Variants in ADGRE2 observed in about 807,000 individuals in gnomAD.
The protein encoded by ADGRE2 is CD97 antigen.
In ADGRE2, 83 loss-of-function variants were observed where a neutral mutation model predicts 100.8. That is an observed-to-expected ratio of 0.82 (90% CI 0.69 to 0.99). ADGRE2 has a LOEUF of 0.99. Among genes scored for constraint, ADGRE2 ranks in the 50% least tolerant of loss-of-function variants. ADGRE2 has a pLI of 0.00. For synonymous variants in ADGRE2, 355 were observed against 413.0 expected, an observed-to-expected ratio of 0.86 and a Z score of 1.70; for missense variants, 814 against 1,035.7, an observed-to-expected ratio of 0.79 and a Z score of 2.94.
chr19:14,772,195 G>T, intron 5 of ADGRE2, 147 bp downstream of exon 5: 2 of 1,196,164 alleles, frequency 1.7e-6, no homozygotes, highest in Non-Finnish European at 2.4e-6. Context: ...CTGGGCTGGC[G>T]AAACAGGTAC....
intron 11 of ADGRE2, among the ~76,000 whole-genome samples, chr19:14,757,836 C>T (rs1466108064): frequency 1.3e-5 from 2 of 152,188 alleles, no homozygotes; most frequent in Non-Finnish European, 2.9e-5. Context: ...CAGAGTCTTG[C>T]TCTGTCATCC....
the ADGRE2 span, among the ~76,000 whole-genome samples, chr19:14,726,280 T>C: frequency 1.3e-5 from 2 of 152,142 alleles, no homozygotes; most frequent in Non-Finnish European, 2.9e-5. Context: ...CGCTAAATCA[T>C]TCTTTTCTCC....
In ADGRE2 at chr19:14,776,719, T is replaced by C; in HGVS notation, c.31+7A>G. Reference sequence around the variant, plus strand: ...TACCACCCCCAGCGGGGCCCCAAAGTACTTACCGAGAAAGACGAGAAAGAC... The same window carrying C: ...TACCACCCCCAGCGGGGCCCCAAAGCACTTACCGAGAAAGACGAGAAAGAC... On this transcript the variant is annotated splice_region_variant and intron_variant, in intron 2 of 20. Coordinates refer to ENST00000315576, the MANE Select transcript of ADGRE2 (RefSeq NM_013447.4). 6.2e-7 allele frequency: 1 copy of C among 1,612,494 alleles called. No individual in the cohort carries two copies. Among genetic ancestry groups the C allele is most frequent in the South Asian group, 1.1e-5 (1 of 90,776 alleles).
downstream of ADGRE2, among the ~76,000 whole-genome samples, chr19:14,728,270 A>G (rs983191434): frequency 6.6e-6 from 1 of 152,242 alleles, no homozygotes; most frequent in African/African-American, 2.4e-5. Context: ...GAGACTTGGT[A>G]AAGGCATGAG....
intron 15 of ADGRE2, 63 bp from the exon 16 acceptor site, chr19:14,751,734 C>T (rs989582084): frequency 1.7e-6 from 2 of 1,202,400 alleles, no homozygotes; most frequent in East Asian, 2.4e-5. Context: ...CATGGCTTCT[C>T]CTGTACCATG....
rs73513939 is a variant in ADGRE2 at position 14,735,857 on chromosome 19, C to T, written c.*379G>A. 2.9e-3 allele frequency: 506 copies of T among 172,974 alleles called. 2 individuals carry two copies. The highest frequency in any genetic ancestry group is 0.011 in the African/African-American group (466 of 42,342). The allele number at this position is 172,974 out of a possible 1,614,324, so 10.7% of individuals were successfully genotyped here. A position where few individuals can be genotyped will look rare whatever the true frequency, so the allele number is the denominator to read the frequency against. On this transcript the variant is annotated 3_prime_UTR_variant, in exon 21 of 21. Transcript: ENST00000315576. ...ACATTCTAGTCCTTTCAGATGTTGT[C>T]GGTATGAAAGTCCTCTTAGGCTCGT...
chr19:14,743,454 C>A lies in ADGRE2; in HGVS notation c.2429G>T (p.Ser810Ile), dbSNP rs1478658729. Reference protein sequence around the residue: ...KTESEMHTLSSSAKADTSKPS... With the variant: ...KTESEMHTLSISAKADTSKPS... ...TTTGGAGGTGTCAGCCTTAGCACTGCTGGAGAGTGTGTGCATCTCAGACTC... is the reference window on the plus strand; with the variant it reads ...TTTGGAGGTGTCAGCCTTAGCACTGATGGAGAGTGTGTGCATCTCAGACTC... Residue 810 changes from serine to isoleucine, a missense_variant, in exon 20 of 21, where the codon AGC (serine) becomes ATC (isoleucine). Coordinates refer to ENST00000315576, the MANE Select transcript of ADGRE2 (RefSeq NM_013447.4). The A allele has an allele frequency of 6.2e-7, 1 of 1,614,152 alleles. No homozygotes were observed. The highest frequency in any genetic ancestry group is 2.2e-5 in the East Asian group (1 of 44,870).
Position 14,764,741 on chromosome 19 carries a change from G to A in ADGRE2, c.907-131C>T, listed in dbSNP as rs1382463939. 4 of 987,116 alleles carry A rather than the reference G, an allele frequency of 4.1e-6. No homozygotes were observed. In the East Asian group the frequency reaches 1.0e-4, roughly 26 times the overall value. The allele number at this position is 987,116 out of a possible 1,614,324, so 61.1% of individuals were successfully genotyped here. On this transcript the variant is annotated intron_variant, in intron 10 of 20. Transcript: ENST00000315576. ...GGGGATGAAGATGGCATTGGCGGCT[G>A]GGCGCGGTGGCTCACGCCTCTAATT...
chr19:14,732,206 T>G (rs1599768692), downstream of ADGRE2: 1 of 152,194 alleles, frequency 6.6e-6, no homozygotes. Context: ...ATGGCAGCCC[T>G]GTGTCGAGCA....
At chr19:14,771,901 AGT>A (rs2044225781) in intron 5 of ADGRE2, 1 of 143,266 alleles carries the variant, frequency 7.0e-6, no homozygotes, top group Non-Finnish European at 1.4e-5. Context: ...GGCCTCCCAA[AGT>A]GCTGGGATTA....
chr19:14,776,070 G>A (rs139672381), intron 2 of ADGRE2, among the ~76,000 whole-genome samples: 112 of 152,088 alleles, frequency 7.4e-4, no homozygotes, highest in African/African-American at 2.6e-3. Context: ...GTGGCGCTGC[G>A]GTTCCCAGCA....
At chr19:14,752,227 C>T (rs115970049) in intron 15 of ADGRE2, 102 bp downstream of exon 15, 2 of 1,450,610 alleles carry the variant, frequency 1.4e-6, no homozygotes, top group African/African-American at 1.4e-5. Context: ...GCCACCACGC[C>T]CAGCCGGGCT....
At chr19:14,773,303 T>C (rs1339339561) in intron 4 of ADGRE2, among the ~76,000 whole-genome samples, 1 of 147,718 alleles carries the variant, frequency 6.8e-6, no homozygotes, top group Non-Finnish European at 1.5e-5. Context: ...CCTTCCTTCC[T>C]TCTTTCCTCC....
At chr19:14,766,511 G>T (rs1420379924) in intron 6 of ADGRE2, 130 bp from the exon 7 acceptor site, 8 of 1,178,992 alleles carry the variant, frequency 6.8e-6, no homozygotes, top group Non-Finnish European at 9.5e-6. Context: ...CCACCACTTG[G>T]TGACCTTCAA....
chr19:14,772,611 G>C (rs1430306719), intron 4 of ADGRE2, 114 bp from the exon 5 acceptor site: 9 of 1,314,648 alleles, frequency 6.8e-6, no homozygotes, highest in Non-Finnish European at 9.5e-6. Flanking sequence ...TTTTGGAAAG[G>C]ATCTCAAGTT....
At chr19:14,777,046 C>G in intron 1 of ADGRE2, 119 bp from the exon 2 acceptor site, 1 of 1,254,654 alleles carries the variant, frequency 8.0e-7, no homozygotes, top group Non-Finnish European at 1.0e-6. Flanking sequence ...TGAAGTGCAA[C>G]CTGCTTTAAA....
Position 14,776,976 on chromosome 19 carries a change from G to GCGCGCACACACACACACACACACACA in ADGRE2, c.-171-50_-171-49insTGTGTGTGTGTGTGTGTGTGTGCGCG. On this transcript the variant is annotated intron_variant, in intron 1 of 20. Coordinates refer to ENST00000315576, the MANE Select transcript of ADGRE2 (RefSeq NM_013447.4). ...ATAAAAACACAGAACCAGGGGCGCTGCACACACACACACACACACACACAC... is the reference window on the plus strand; with the variant it reads ...ATAAAAACACAGAACCAGGGGCGCTGCGCGCACACACACACACACACACACACACACACACACACACACACACACAC... 3.9e-6 allele frequency: 4 copies of GCGCGCACACACACACACACACACACA among 1,024,728 alleles called. No individual in the cohort carries two copies. The East Asian group carries it at 1.8e-4, about 47-fold the overall frequency. The allele number at this position is 1,024,728 out of a possible 1,614,324, so 63.5% of individuals were successfully genotyped here. A position where few individuals can be genotyped will look rare whatever the true frequency, so the allele number is the denominator to read the frequency against.
At chr19:14,761,991 CAT>C (rs755453868) in intron 11 of ADGRE2, among the ~76,000 whole-genome samples, 4 of 152,114 alleles carry the variant, frequency 2.6e-5, no homozygotes, top group Non-Finnish European at 5.9e-5. Context: ...AACCTCCACT[CAT>C]AAACTCACTC....
At chr19:14,761,734 A>G (rs1262403023) in intron 11 of ADGRE2, among the ~76,000 whole-genome samples, 1 of 152,114 alleles carries the variant, frequency 6.6e-6, no homozygotes, top group Non-Finnish European at 1.5e-5. Context: ...CCACGTATAC[A>G]GTAAGGAGCT....
Sources: gnomAD v4.1 joint callset for allele counts (sites outside exome capture counted in the v4.1 genomes callset) on GRCh38, gnomAD v4.1.1 for gene constraint, MANE v1.5 for transcripts, NCBI Gene and HGNC (gene_info 2026-07-23, HGNC 2026-07-21) for gene names.